The following ZMIZ1 variants were observed in gnomAD, a reference collection of about 807,000 sequenced individuals.
The protein encoded by ZMIZ1 is zinc finger MIZ-type containing 1.
A neutral mutation model predicts 113.9 loss-of-function variants in ZMIZ1; 17 were observed. That is an observed-to-expected ratio of 0.15 (90% confidence interval 0.10 to 0.22). The LOEUF (loss-of-function observed/expected upper bound fraction) is 0.22, where lower values mean the gene tolerates loss of function less well. Among genes scored for constraint, ZMIZ1 ranks in the 10% least tolerant of loss-of-function variants. ZMIZ1 has a pLI of 1.00. For synonymous variants in ZMIZ1, 607 were observed against 603.1 expected (o/e 1.01, Z -0.09); for missense variants, 1,059 against 1,477.8 (o/e 0.72, Z 4.65).
At chr10:79,080,541 T>G (rs1842624134) in intron 1 of ZMIZ1, among the ~76,000 whole-genome samples, 1 of 152,056 alleles carries the variant, frequency 6.6e-6, no homozygotes, top group African/African-American at 2.4e-5. Flanking sequence ...ACTCCTGACC[T>G]CAGGTGATCC....
intron 7 of ZMIZ1, among the ~76,000 whole-genome samples, chr10:79,257,218 C>T: frequency 6.6e-6 from 1 of 152,250 alleles, no homozygotes; most frequent in East Asian, 1.9e-4. Context: ...CTGAGGACCA[C>T]TGTGGGGACC....
intron 4 of ZMIZ1, among the ~76,000 whole-genome samples, chr10:79,168,268 G>T (rs1433534098): frequency 6.6e-6 from 1 of 152,228 alleles, no homozygotes; most frequent in South Asian, 2.1e-4. Context: ...CCAAAGCGGA[G>T]CTCCCCCGGG....
At chr10:79,160,258 AGCAGAATTTGGGGGCT>A (rs1473073160) in intron 3 of ZMIZ1, among the ~76,000 whole-genome samples, 6 of 152,158 alleles carry the variant, frequency 3.9e-5, no homozygotes, top group Admixed American at 3.9e-4. Flanking sequence ...TTCCAAGGTA[AGCAGAATTTGGGGGCT>A]GCCAGAGCCA....
intron 6 of ZMIZ1, among the ~76,000 whole-genome samples, chr10:79,214,904 G>A (rs1440697979): frequency 6.6e-6 from 1 of 152,216 alleles, no homozygotes; most frequent in Non-Finnish European, 1.5e-5. Flanking sequence ...AATGGGTGGG[G>A]ACAGAGTGAA....
intron 3 of ZMIZ1, among the ~76,000 whole-genome samples, chr10:79,142,276 A>C (rs957822771): frequency 2.6e-5 from 4 of 152,194 alleles, no homozygotes; most frequent in Admixed American, 1.3e-4. Context: ...GAGGTCCCAG[A>C]CTAGAGATAT....
intron 4 of ZMIZ1, among the ~76,000 whole-genome samples, chr10:79,170,482 A>AT (rs1332708506): frequency 2.0e-5 from 3 of 152,194 alleles, no homozygotes; most frequent in Admixed American, 2.0e-4. Context: ...TGGGTGTCAC[A>AT]TGCCATTTAT....
At chr10:79,176,929 A>G (rs1846893603) in intron 4 of ZMIZ1, among the ~76,000 whole-genome samples, 1 of 152,180 alleles carries the variant, frequency 6.6e-6, no homozygotes, top group Admixed American at 6.5e-5. Flanking sequence ...GTTTGTGGCA[A>G]TGTGTCTCCA....
chr10:79,304,009 C>T lies in ZMIZ1; in HGVS notation c.2126-6C>T, dbSNP rs1170996532. On this transcript the variant is annotated splice_polypyrimidine_tract_variant and splice_region_variant and intron_variant, in intron 18 of 24. Coordinates refer to ENST00000334512, the MANE Select transcript of ZMIZ1 (RefSeq NM_020338.4). ...TCCTCACCTGTCTGTGCCTCCTGCC[C>T]CGCAGTCAAGCGGAATTTCAGCAGC... 6.2e-7 allele frequency: 1 copy of T among 1,613,884 alleles called. No homozygotes were observed. Among genetic ancestry groups the T allele is most frequent in the South Asian group, 1.1e-5 (1 of 91,062 alleles).
intron 7 of ZMIZ1, among the ~76,000 whole-genome samples, chr10:79,242,955 G>T (rs1027558615): frequency 1.3e-5 from 2 of 151,472 alleles, no homozygotes; most frequent in Non-Finnish European, 3.0e-5. Context: ...CTGGGCTGAC[G>T]GTCTGCGCGC....
At chr10:79,218,584 G>GGT (rs55736085) in intron 7 of ZMIZ1, among the ~76,000 whole-genome samples, 44,340 of 147,730 alleles carry the variant, frequency 0.3, 6,668 homozygotes, top group East Asian at 0.53. Flanking sequence ...TAATTAGAGG[G>GGT]GTGTGTGTGT....
At chr10:79,094,441 G>A (rs997892765) in intron 1 of ZMIZ1, among the ~76,000 whole-genome samples, 4 of 152,214 alleles carry the variant, frequency 2.6e-5, no homozygotes, top group African/African-American at 4.8e-5. Context: ...AAACCTTCTC[G>A]CACACTGCCA....
intron 7 of ZMIZ1, among the ~76,000 whole-genome samples, chr10:79,246,782 C>T (rs1342973959): frequency 1.3e-5 from 2 of 152,190 alleles, no homozygotes; most frequent in Admixed American, 6.5e-5. Flanking sequence ...CCTCCACCCT[C>T]GAAGCACTTC....
intron 7 of ZMIZ1, among the ~76,000 whole-genome samples, chr10:79,245,476 C>G (rs756188284): frequency 9.9e-5 from 15 of 152,092 alleles, no homozygotes; most frequent in Non-Finnish European, 1.6e-4. Context: ...GATGATGGCA[C>G]GAGTGGAAGG....
At position 79,311,109 on chromosome 10, in the gene ZMIZ1, C is replaced by T. The variant is rs1467059857; in HGVS notation, c.3021C>T (p.Thr1007=). The stretch of plus-strand genomic sequence containing the variant: ...GCAGCCATCCACACAGCGACCTGAC[C>T]TTTAACCCCTCCTCAGCCTTAGAGG... ...APSSHPHSDL[T]FNPSSALEGQ... is the part of the protein sequence containing the mutation. Residue 1007 remains threonine (T), a synonymous_variant, in exon 24 of 25, where the codon ACC becomes ACT. Coordinates refer to ENST00000334512, the MANE Select transcript of ZMIZ1 (RefSeq NM_020338.4). The T allele has an allele frequency of 3.7e-6, 6 of 1,613,762 alleles. No homozygotes were observed. The highest frequency in any genetic ancestry group is 1.7e-5 in the Admixed American group (1 of 60,026).
chr10:79,219,037 G>A (rs1332427576), intron 7 of ZMIZ1, among the ~76,000 whole-genome samples: 4 of 152,036 alleles, frequency 2.6e-5, no homozygotes, highest in East Asian at 1.9e-4. Context: ...CAGATTGCAC[G>A]GGGGGTGGGG....
intron 15 of ZMIZ1, 52 bp downstream of exon 15, chr10:79,298,632 G>T (rs779020151): frequency 2.6e-6 from 4 of 1,513,392 alleles, no homozygotes; most frequent in African/African-American, 2.8e-5. Context: ...CCCCCAGTGG[G>T]CCGGGAGCAG....
chr10:79,215,761 G>A (rs1189821780), intron 6 of ZMIZ1, among the ~76,000 whole-genome samples: 1 of 152,070 alleles, frequency 6.6e-6, no homozygotes, highest in East Asian at 1.9e-4. Context: ...GAGGGGTGGG[G>A]GAGTTCCTGA....
chr10:79,285,094 G>A (rs1852981116), intron 8 of ZMIZ1, among the ~76,000 whole-genome samples: 1 of 152,164 alleles, frequency 6.6e-6, no homozygotes, highest in Non-Finnish European at 1.5e-5. Context: ...TCTGGAGAGG[G>A]GAGCGTTGCC....
intron 16 of ZMIZ1, among the ~76,000 whole-genome samples, chr10:79,299,490 G>C (rs138455705): frequency 2.6e-5 from 4 of 152,236 alleles, no homozygotes; most frequent in African/African-American, 9.6e-5. Context: ...ATCTGAGACC[G>C]TGAGCTGACA....
Sources: allele counts gnomAD v4.1 joint callset (sites outside exome capture counted in the v4.1 genomes callset), GRCh38; gene constraint gnomAD v4.1.1; transcripts MANE v1.5; gene names NCBI Gene and HGNC (gene_info 2026-07-23, HGNC 2026-07-21).